Variants in C11orf91 observed in about 807,000 individuals in gnomAD.
The protein encoded by C11orf91 is chromosome 11 open reading frame 91.
A neutral mutation model predicts 14.3 loss-of-function variants in C11orf91; 10 were observed. The observed-to-expected ratio is 0.70, with a 90% confidence interval of 0.43 to 1.18. The LOEUF is 1.18. Ranked by LOEUF, C11orf91 falls within the 50% of genes most tolerant of loss-of-function variation. The probability of loss-of-function intolerance (pLI) is 0.00; values close to 1 mark genes in which losing one functional copy is unlikely to be tolerated. For missense variants in C11orf91, 236 were observed against 269.0 expected (o/e 0.88, Z 0.86); for synonymous variants, 141 against 130.6 (o/e 1.08, Z -0.54).
chr11:33,705,729 C>T (rs1039255959), upstream of C11orf91: 1 of 152,210 alleles, frequency 6.6e-6, no homozygotes, highest in Non-Finnish European at 1.5e-5. Context: ...AGCCAGTTCT[C>T]CCTAATAACC....
Position 33,700,576 on chromosome 11 carries a change from T to A in C11orf91, c.165A>T (p.Pro55=). ...ACCGGGCCCCCGCCGCCCCGCCCAC[T>A]GGCGCCCCGCCCGCCTTCAGCGGCA... ...LFVPLKAGGA[P]VGGAAGARSL... is the part of the protein sequence containing the mutation. Residue 55 remains proline (P), a synonymous_variant, in exon 1 of 2, where the codon CCA becomes CCT. Transcript: ENST00000379011. The A allele has an allele frequency of 7.0e-7, 1 of 1,438,312 alleles. No homozygotes were observed. The highest frequency in any genetic ancestry group is 2.4e-5 in the Admixed American group (1 of 41,078). 89.1% of individuals were successfully genotyped at this position (1,438,312 alleles called of 1,614,324 possible).
At chr11:33,698,903 C>T (rs925070077) in intron 1 of C11orf91, among the ~76,000 whole-genome samples, 1 of 151,224 alleles carries the variant, frequency 6.6e-6, no homozygotes, top group Non-Finnish European at 1.5e-5. Flanking sequence ...GCCTCATCCT[C>T]CCGAGTAGAT....
Position 33,699,555 on chromosome 11 carries a change from G to A in C11orf91, c.496+690C>T, listed in dbSNP as rs183293349. ...AACAACTTTACCCTCCAACAGGGAG[G>A]AGTCATTCAGCTCGTAGGCTGAGGG... On this transcript the variant is annotated intron_variant, in intron 1 of 1. Transcript: ENST00000379011. The A allele has an allele frequency of 6.3e-4, 288 of 456,324 alleles. 1 individual carries two copies. Among genetic ancestry groups the A allele is most frequent in the African/African-American group, 5.4e-3 (269 of 50,200 alleles). The allele number at this position is 456,324 out of a possible 1,614,324, so 28.3% of individuals were successfully genotyped here. A position where few individuals can be genotyped will look rare whatever the true frequency, so the allele number is the denominator to read the frequency against.
At chr11:33,702,927 T>A (rs1853156540), upstream of C11orf91, 1 of 156,600 alleles carries the variant, frequency 6.4e-6, no homozygotes, top group African/African-American at 2.4e-5. Context: ...TTGCTTAGGT[T>A]GGCAAGACTA....
Position 33,700,399 on chromosome 11 carries a change from C to G in C11orf91, c.342G>C (p.Pro114=). The change falls in exon 1 of 2, where the codon CCG becomes CCC. Residue 114 remains proline (P), a synonymous_variant. Transcript: ENST00000379011. ...GGGGCGAGGCAACCACCTCAGGCCCCGGCGGCGGTGAGTAGAAGAAGCGCA... is the reference window on the plus strand; with the variant it reads ...GGGGCGAGGCAACCACCTCAGGCCCGGGCGGCGGTGAGTAGAAGAAGCGCA... ...EPLRFFYSPP[P]GPEVVASPLV... 1 of 1,520,530 alleles carries G rather than the reference C, an allele frequency of 6.6e-7. No individual in the cohort carries two copies. The highest frequency in any genetic ancestry group is 8.8e-7 in the Non-Finnish European group (1 of 1,138,130). The allele number at this position is 1,520,530 out of a possible 1,614,324, so 94.2% of individuals were successfully genotyped here.
In C11orf91 at chr11:33,700,334, G is replaced by A; in HGVS notation, c.407C>T (p.Ser136Phe). The A allele has an allele frequency of 6.5e-7, 1 of 1,535,562 alleles. No individual in the cohort carries two copies. The highest frequency in any genetic ancestry group is 8.7e-7 in the Non-Finnish European group (1 of 1,146,724). Residue 136 changes from serine to phenylalanine, a missense_variant, in exon 1 of 2, where the codon TCC (serine) becomes TTC (phenylalanine). Coordinates refer to ENST00000379011, the MANE Select transcript of C11orf91 (RefSeq NM_001166692.2). ...CPSTPRLASASHPEELCELEI... is the reference protein window; with the variant it reads ...CPSTPRLASAFHPEELCELEI... ...CAGCTCGCAGAGCTCCTCCGGGTGG[G>A]AGGCAGAGGCGAGCCTGGGGGTCGA...
chr11:33,701,976 C>T (rs575470346), upstream of C11orf91, among the ~76,000 whole-genome samples: 1 of 152,178 alleles, frequency 6.6e-6, no homozygotes, highest in East Asian at 1.9e-4. Context: ...CAAGAGGCAG[C>T]TGTCCCTACT....
At position 33,698,380 on chromosome 11, in the gene C11orf91, A is replaced by C. The variant is rs1853060517; in HGVS notation, c.*49T>G. On this transcript the variant is annotated 3_prime_UTR_variant, in exon 2 of 2. Coordinates refer to ENST00000379011, the MANE Select transcript of C11orf91 (RefSeq NM_001166692.2). The stretch of plus-strand genomic sequence containing the variant: ...GACAACAAATGGGACACATTATCTA[A>C]GCACTAACACCTAAGGAGGTGGCTG... 5.7e-6 allele frequency: 6 copies of C among 1,048,180 alleles called. No homozygotes were observed. The highest frequency in any genetic ancestry group is 8.5e-6 in the Non-Finnish European group (6 of 702,658). The allele number at this position is 1,048,180 out of a possible 1,614,324, so 64.9% of individuals were successfully genotyped here.
upstream of C11orf91, among the ~76,000 whole-genome samples, chr11:33,702,460 A>C (rs1340095171): frequency 2.0e-5 from 3 of 152,096 alleles, no homozygotes; most frequent in Admixed American, 2.0e-4. Flanking sequence ...GTCTCAAAAT[A>C]AATAAAATAA....
At position 33,700,500 on chromosome 11, in the gene C11orf91, C is replaced by T; in HGVS notation, c.241G>A (p.Gly81Ser). The change falls in exon 1 of 2, where the codon GGC becomes AGC. Residue 81 changes from glycine to serine, a missense_variant. Coordinates refer to ENST00000379011, the MANE Select transcript of C11orf91 (RefSeq NM_001166692.2). ...APAPPPPPPP[G>S]LGPSSERPWP... Reference sequence around the variant, plus strand: ...GGGCGCTCGCTGGAGGGACCCAGGCCGGGTGGTGGCGGGGGCGGGGGCGCC... The same window carrying T: ...GGGCGCTCGCTGGAGGGACCCAGGCTGGGTGGTGGCGGGGGCGGGGGCGCC... 1.6e-5 allele frequency: 3 copies of T among 185,724 alleles called. No homozygotes were observed. The highest frequency in any genetic ancestry group is 2.3e-5 in the Non-Finnish European group (3 of 129,062). The allele number at this position is 185,724 out of a possible 1,614,324, so 11.5% of individuals were successfully genotyped here.
the C11orf91 span, chr11:33,706,140 C>G: frequency 6.6e-6 from 1 of 152,090 alleles, no homozygotes; most frequent in Admixed American, 6.5e-5. Flanking sequence ...GGCTCTGGAC[C>G]TACACAGCTG....
At chr11:33,698,774 A>ATTTTTTTTTT (rs55712821) in intron 1 of C11orf91, among the ~76,000 whole-genome samples, 1 of 104,606 alleles carries the variant, frequency 9.6e-6, no homozygotes, top group Admixed American at 1.1e-4. Context: ...TCTTCTTCTA[A>ATTTTTTTTTT]TTTTTTTTTT....
intron 1 of C11orf91, 108 bp from the exon 2 acceptor site, chr11:33,698,622 C>T: frequency 2.7e-6 from 2 of 732,040 alleles, no homozygotes; most frequent in African/African-American, 1.8e-5. Flanking sequence ...CCTAAAACTC[C>T]ATTTGTGATC....
At chr11:33,699,463 G>T (rs1853084159) in intron 1 of C11orf91, 1 of 436,234 alleles carries the variant, frequency 2.3e-6, no homozygotes, top group Non-Finnish European at 4.7e-6. Flanking sequence ...GACAAAGTCT[G>T]CAGGACAACC....
Position 33,700,622 on chromosome 11 carries a change from T to C in C11orf91, c.119A>G (p.Asn40Ser), listed in dbSNP as rs991701511. 196 of 1,475,568 alleles carry C rather than the reference T, an allele frequency of 1.3e-4. No homozygotes were observed. The highest frequency in any genetic ancestry group is 1.6e-4 in the Non-Finnish European group (179 of 1,118,362). The allele number at this position is 1,475,568 out of a possible 1,614,324, so 91.4% of individuals were successfully genotyped here. A position where few individuals can be genotyped will look rare whatever the true frequency, so the allele number is the denominator to read the frequency against. ...GISSSPLSDFNIWKKLFVPLK... is the reference protein window; with the variant it reads ...GISSSPLSDFSIWKKLFVPLK... ...CGGCACGAAGAGCTTCTTCCAGATG[T>C]TGAAGTCGCTGAGCGGGGACGAGGA... The change falls in exon 1 of 2, where the codon AAC becomes AGC. Residue 40 changes from asparagine (N) to serine (S), a missense_variant. Transcript: ENST00000379011.
intron 1 of C11orf91, among the ~76,000 whole-genome samples, chr11:33,698,808 T>C: frequency 8.3e-6 from 1 of 120,974 alleles, no homozygotes; most frequent in Admixed American, 9.9e-5. Flanking sequence ...TGAGAGGGAG[T>C]CTCACTCTTT....
intron 1 of C11orf91, 33 bp downstream of exon 1, chr11:33,700,212 G>T (rs1853097196): frequency 1.3e-6 from 2 of 1,520,238 alleles, no homozygotes; most frequent in African/African-American, 2.8e-5. Context: ...GCAGGCTAAG[G>T]CTGGGCTCGG....
In C11orf91 at chr11:33,700,302, G is replaced by C; in HGVS notation, c.439C>G (p.Arg147Gly). The change falls in exon 1 of 2, where the codon CGG (arginine) becomes GGG (glycine). Residue 147 changes from arginine (R) to glycine (G), a missense_variant. Transcript: ENST00000379011. ...GTGAGCAACTCCAGCTCCTTAATCCGGATCTCCAGCTCGCAGAGCTCCTCC... is the reference window on the plus strand; with the variant it reads ...GTGAGCAACTCCAGCTCCTTAATCCCGATCTCCAGCTCGCAGAGCTCCTCC... The part of the protein sequence containing the change: ...HPEELCELEI[R>G]IKELELLTIT... 1 of 1,535,354 alleles carries C rather than the reference G, an allele frequency of 6.5e-7. No homozygotes were observed. The highest frequency in any genetic ancestry group is 8.7e-7 in the Non-Finnish European group (1 of 1,146,654).
Position 33,700,729 on chromosome 11 carries a change from C to T in C11orf91, c.12G>A (p.Gly4=). The T allele has an allele frequency of 7.3e-7, 1 of 1,375,018 alleles. No individual in the cohort carries two copies. 85.2% of individuals were successfully genotyped at this position (1,375,018 alleles called of 1,614,324 possible). MPK[G]RRGSHSPTMS... ...TGGTGGGGCTGTGGCTGCCGCGCCG[C>T]CCCTTTGGCATCGTTTGAATGAGGG... Residue 4 remains glycine, a synonymous_variant, in exon 1 of 2, where the codon GGG becomes GGA. Coordinates refer to ENST00000379011, the MANE Select transcript of C11orf91 (RefSeq NM_001166692.2).
Sources: allele counts gnomAD v4.1 joint callset (sites outside exome capture counted in the v4.1 genomes callset), GRCh38; gene constraint gnomAD v4.1.1; transcripts MANE v1.5; gene names NCBI Gene and HGNC (gene_info 2026-07-23, HGNC 2026-07-21).